The following EEF1AKMT2 variants were observed in gnomAD, a reference collection of about 807,000 sequenced individuals.
The protein encoded by EEF1AKMT2 is eukaryotic translation elongation factor 1 alpha lysine methyltransferase 2.
EEF1AKMT2 carries 32 observed loss-of-function variants against 35.8 expected under a neutral mutation model. That is an observed-to-expected ratio of 0.89 (90% confidence interval 0.67 to 1.20). The LOEUF is 1.20. Among genes scored for constraint, EEF1AKMT2 ranks in the 50% most tolerant of loss-of-function variants. The pLI, the probability that EEF1AKMT2 is intolerant of heterozygous loss-of-function variation, is 0.00. For synonymous variants in EEF1AKMT2, 121 were observed against 133.7 expected (o/e 0.91, Z 0.65); for missense variants, 330 against 347.5 (o/e 0.95, Z 0.40).
intron 4 of EEF1AKMT2, chr10:124,766,225 C>T (rs1357172139): frequency 2.0e-5 from 3 of 151,980 alleles, no homozygotes; most frequent in African/African-American, 7.3e-5. Context: ...GTGTTTACAA[C>T]TAATCGATCA....
chr10:124,770,729 C>T (rs966623815), intron 4 of EEF1AKMT2, among the ~76,000 whole-genome samples: 2 of 152,226 alleles, frequency 1.3e-5, no homozygotes, highest in African/African-American at 2.4e-5. Context: ...AACCTTGCTA[C>T]TGCTTTATCA....
intron 4 of EEF1AKMT2, among the ~76,000 whole-genome samples, chr10:124,773,998 T>A (rs554044223): frequency 2.6e-5 from 4 of 152,156 alleles, no homozygotes; most frequent in Non-Finnish European, 5.9e-5. Flanking sequence ...TTAGGAATCA[T>A]CATCTCACAG....
chr10:124,767,913 G>A (rs1950393699), intron 4 of EEF1AKMT2, among the ~76,000 whole-genome samples: 1 of 152,206 alleles, frequency 6.6e-6, no homozygotes, highest in African/African-American at 2.4e-5. Flanking sequence ...TTGAACCCAG[G>A]AAACGGAGGT....
In EEF1AKMT2 at chr10:124,790,773, C is replaced by G. The variant is rs1950627505; in HGVS notation, c.111-435G>C. ...GTTTAAATTTTCTCTGGACGCTTTT[C>G]TTCTTTTTTTGAGACGGAGTCACGC... On this transcript the variant is annotated intron_variant, in intron 1 of 6. Transcript: ENST00000368836. 2.8e-5 allele frequency among the ~76,000 whole-genome samples: 4 copies of G among 140,596 alleles called. No individual in the cohort carries two copies. The South Asian group carries it at 1.0e-3, about 37-fold the overall frequency. The allele number at this position is 140,596 out of a possible 152,430, so 92.2% of individuals were successfully genotyped here. A position where few individuals can be genotyped will look rare whatever the true frequency, so the allele number is the denominator to read the frequency against.
intron 6 of EEF1AKMT2, 69 bp downstream of exon 6, chr10:124,762,231 C>A: frequency 9.7e-7 from 1 of 1,032,836 alleles, no homozygotes; most frequent in Non-Finnish European, 1.2e-6. Flanking sequence ...TAGTGTTTTC[C>A]TAAACTATGA....
Position 124,759,107 on chromosome 10 carries a change from A to G in EEF1AKMT2, c.*1396T>C, listed in dbSNP as rs1304900728. ...ACTTATGTAACCCAATAGGCCCACA[A>G]AGCTGAAAATCATCAAAAAATTATG... On this transcript the variant is annotated 3_prime_UTR_variant, in exon 7 of 7. Coordinates refer to ENST00000368836, the MANE Select transcript of EEF1AKMT2 (RefSeq NM_212554.4). 6 of 152,204 alleles carry G rather than the reference A, an allele frequency of 3.9e-5. No individual in the cohort carries two copies. 9.4% of individuals were successfully genotyped at this position (152,204 alleles called of 1,614,324 possible).
At chr10:124,757,804 G>T (rs1950297952), downstream of EEF1AKMT2, 1 of 151,950 alleles carries the variant, frequency 6.6e-6, no homozygotes, top group Non-Finnish European at 1.5e-5. Context: ...TACTACAATG[G>T]GAAAAAAATC....
intron 4 of EEF1AKMT2, 61 bp from the exon 5 acceptor site, chr10:124,765,669 G>GGAT: frequency 4.8e-6 from 6 of 1,250,216 alleles, no homozygotes; most frequent in African/African-American, 1.5e-5. Context: ...CAGAATGTAA[G>GGAT]TGACAACCTG....
At chr10:124,779,925 T>C (rs1950526212) in intron 3 of EEF1AKMT2, among the ~76,000 whole-genome samples, 1 of 151,410 alleles carries the variant, frequency 6.6e-6, no homozygotes. Context: ...TAGCCAGGCG[T>C]GGTGGCGGGC....
intron 4 of EEF1AKMT2, among the ~76,000 whole-genome samples, chr10:124,771,451 T>C (rs1305535648): frequency 2.6e-5 from 4 of 152,226 alleles, no homozygotes; most frequent in Non-Finnish European, 5.9e-5. Context: ...GACGAATCAC[T>C]ATCTATGACA....
intron 5 of EEF1AKMT2, 29 bp downstream of exon 5, chr10:124,765,363 A>G: frequency 1.9e-6 from 3 of 1,562,026 alleles, no homozygotes; most frequent in Non-Finnish European, 2.6e-6. Flanking sequence ...TGAGGTAAGC[A>G]CACATTTAAA....
intron 3 of EEF1AKMT2, among the ~76,000 whole-genome samples, chr10:124,786,744 AG>A (rs1212451841): frequency 6.6e-6 from 1 of 151,924 alleles, no homozygotes; most frequent in African/African-American, 2.4e-5. Flanking sequence ...CAGGAAGCAG[AG>A]GCTGCAGTGA....
chr10:124,770,439 T>TA (rs1054173464), intron 4 of EEF1AKMT2, among the ~76,000 whole-genome samples: 8 of 152,054 alleles, frequency 5.3e-5, no homozygotes, highest in South Asian at 2.1e-4. Context: ...ACTTTATTGT[T>TA]AAAAAAACAC....
intron 3 of EEF1AKMT2, 92 bp downstream of exon 3, chr10:124,788,951 A>T (rs1950612079): frequency 3.7e-6 from 3 of 800,536 alleles, no homozygotes; most frequent in Admixed American, 2.4e-5. Flanking sequence ...TTACTATTTT[A>T]TATTTAGATG....
At chr10:124,769,775 C>G (rs2134126204) in intron 4 of EEF1AKMT2, among the ~76,000 whole-genome samples, 1 of 150,742 alleles carries the variant, frequency 6.6e-6, no homozygotes, top group Non-Finnish European at 1.5e-5. Flanking sequence ...AGTGAAACCC[C>G]ATCGCTACTA....
At chr10:124,773,412 G>A (rs1427170993) in intron 4 of EEF1AKMT2, among the ~76,000 whole-genome samples, 1 of 151,914 alleles carries the variant, frequency 6.6e-6, no homozygotes, top group East Asian at 1.9e-4. Flanking sequence ...TTGTACTTTT[G>A]GTGGAGATAT....
chr10:124,758,267 C>A lies in EEF1AKMT2; in HGVS notation c.*2236G>T, dbSNP rs1446428424. 3 of 152,166 alleles carry A rather than the reference C, an allele frequency of 2.0e-5. No individual in the cohort carries two copies. The highest frequency in any genetic ancestry group is 7.2e-5 in the African/African-American group (3 of 41,424). 9.4% of individuals were successfully genotyped at this position (152,166 alleles called of 1,614,324 possible). A position where few individuals can be genotyped will look rare whatever the true frequency, so the allele number is the denominator to read the frequency against. On this transcript the variant is annotated 3_prime_UTR_variant, in exon 7 of 7. Coordinates refer to ENST00000368836, the MANE Select transcript of EEF1AKMT2 (RefSeq NM_212554.4). ...TGTCACAGTTACCCACATATTTATACAATTTAACAATACTAAGTTAAATAA... is the reference window on the plus strand; with the variant it reads ...TGTCACAGTTACCCACATATTTATAAAATTTAACAATACTAAGTTAAATAA...
intron 4 of EEF1AKMT2, among the ~76,000 whole-genome samples, chr10:124,768,589 A>G (rs1271811118): frequency 6.6e-6 from 1 of 152,116 alleles, no homozygotes; most frequent in Non-Finnish European, 1.5e-5. Flanking sequence ...TACTAAAAAA[A>G]TACGAAGAAA....
chr10:124,791,302 T>C (rs1307414587), intron 1 of EEF1AKMT2, among the ~76,000 whole-genome samples: 1 of 151,698 alleles, frequency 6.6e-6, no homozygotes, highest in Non-Finnish European at 1.5e-5. Context: ...CCCACCCCAC[T>C]TCCAGCTCCC....
Sources: allele counts gnomAD v4.1 joint callset (sites outside exome capture counted in the v4.1 genomes callset), GRCh38; gene constraint gnomAD v4.1.1; transcripts MANE v1.5; gene names NCBI Gene and HGNC (gene_info 2026-07-23, HGNC 2026-07-21).